The following FLT4 variants were observed in gnomAD, a reference collection of about 807,000 sequenced individuals.
FLT4 encodes vascular endothelial growth factor receptor 3.
FLT4 carries 30 observed loss-of-function variants against 163.2 expected under a neutral mutation model. The observed-to-expected ratio is 0.18, with a 90% CI of 0.14 to 0.25. The LOEUF is 0.25. Ranked by LOEUF, FLT4 falls within the 10% of genes least tolerant of loss-of-function variation. The pLI, the probability that FLT4 is intolerant of heterozygous loss-of-function variation, is 1.00. For missense variants in FLT4, 1,510 were observed against 1,863.8 expected (o/e 0.81, Z 3.50); for synonymous variants, 884 against 789.5 (o/e 1.12, Z -2.01).
rs307816 is a variant in FLT4, at chr5:180,647,789, G to A, written c.58+1699C>T. Among the ~76,000 whole-genome samples, 18 of 151,936 alleles carry A rather than the reference G, an allele frequency of 1.2e-4. No individual in the cohort carries two copies. In the East Asian group the frequency reaches 3.3e-3, roughly 28 times the overall value. On this transcript the variant is annotated intron_variant, in intron 1 of 29. Coordinates refer to ENST00000261937, the MANE Select transcript of FLT4 (RefSeq NM_182925.5). ...CCCAGGACACCCCTCTCCATGGGGC[G>A]CCCAACTAATGCCCTCTCTCCTCTT...
Position 180,602,955 on chromosome 5 carries a change from C to CTT in FLT4, c.*236_*237insAA, listed in dbSNP as rs1321728809. 10 of 597,212 alleles carry CTT rather than the reference C, an allele frequency of 1.7e-5. No homozygotes were observed. In the East Asian group the frequency reaches 2.8e-4, roughly 17 times the overall value. 37.0% of individuals were successfully genotyped at this position (597,212 alleles called of 1,614,324 possible). ...ATGCTGAACTAAATGACATCTGAAT[C>CTT]TCAGGGGGAGGGGCCGGGGCAGCTG... is the stretch of plus-strand genomic sequence containing the variant. On this transcript the variant is annotated 3_prime_UTR_variant, in exon 30 of 30. Coordinates refer to ENST00000261937, the MANE Select transcript of FLT4 (RefSeq NM_182925.5).
chr5:180,643,231 A>C lies in FLT4; in HGVS notation c.58+6257T>G, dbSNP rs920986474. ...ACATTCCTGACCCCGCTCATCCCCC[A>C]CAGCCAATCGGTCACCAAGTGCCTC... On this transcript the variant is annotated intron_variant, in intron 1 of 29. Transcript: ENST00000261937. Among the ~76,000 whole-genome samples the C allele has an allele frequency of 7.2e-5, 11 of 152,208 alleles. No homozygotes were observed. The South Asian group carries it at 1.9e-3, about 26-fold the overall frequency.
At chr5:180,624,897 A>AC (rs1029849771) in intron 10 of FLT4, among the ~76,000 whole-genome samples, 9 of 152,108 alleles carry the variant, frequency 5.9e-5, no homozygotes, top group East Asian at 1.9e-4. Flanking sequence ...CCGAGCAGGG[A>AC]CCCCCCGAAG....
Position 180,619,073 on chromosome 5 carries a change from C to T in FLT4, c.2798G>A (p.Gly933Asp). ...GGCGCGCAGGAAGTTGGAGAGGTTG[C>T]CGTACTTGCAGAACTCCACGATCAC... ...LMVIVEFCKY[G>D]NLSNFLRAKR... The change falls in exon 20 of 30, where the codon GGC (glycine) becomes GAC (aspartate). Residue 933 changes from glycine (G) to aspartate (D), a missense_variant. Physicochemically the swap from Gly to Asp is moderately conservative, Grantham distance 94. Transcript: ENST00000261937. The T allele has an allele frequency of 6.4e-7, 1 of 1,560,828 alleles. No homozygotes were observed. The highest frequency in any genetic ancestry group is 8.7e-7 in the Non-Finnish European group (1 of 1,154,504).
intron 28 of FLT4, chr5:180,609,426 T>TG (rs1762007381): frequency 2.4e-6 from 1 of 408,654 alleles, no homozygotes; most frequent in Admixed American, 3.8e-5. Context: ...CCTCCCGGTT[T>TG]GGGGGGCTTT....
At chr5:180,618,989 C>T (rs1762898923) in intron 20 of FLT4, 32 bp downstream of exon 20, 2 of 1,547,418 alleles carry the variant, frequency 1.3e-6, no homozygotes, top group Non-Finnish European at 1.7e-6. Context: ...ATTCCCCCGC[C>T]GCCCGCGGCG....
At chr5:180,624,227 GTT>G (rs397737232) in intron 10 of FLT4, among the ~76,000 whole-genome samples, 166 bp from the exon 11 acceptor site, 5 of 135,070 alleles carry the variant, frequency 3.7e-5, no homozygotes, top group Non-Finnish European at 4.8e-5. Flanking sequence ...GGACTTTGGT[GTT>G]TTTTTTTTTT....
Position 180,620,415 on chromosome 5 carries a change from T to C in FLT4, c.2407-107A>G. The C allele has an allele frequency of 7.0e-7, 1 of 1,429,106 alleles. No homozygotes were observed. The highest frequency in any genetic ancestry group is 1.4e-5 in the African/African-American group (1 of 71,542). 88.5% of individuals were successfully genotyped at this position (1,429,106 alleles called of 1,614,324 possible). On this transcript the variant is annotated intron_variant, in intron 16 of 29. Transcript: ENST00000261937. The surrounding 1 kb of genome is among the most constrained non-coding windows in gnomAD (Gnocchi z 4.4). Reference sequence around the variant, plus strand: ...ACAGATGGCACTTCCTGCGGGGTTCTCAGTCAAGGAGGGGACAGAAAAAAA... The same window carrying C: ...ACAGATGGCACTTCCTGCGGGGTTCCCAGTCAAGGAGGGGACAGAAAAAAA...
At chr5:180,604,840 T>C (rs192956696) in intron 29 of FLT4, among the ~76,000 whole-genome samples, 66 of 152,390 alleles carry the variant, frequency 4.3e-4, no homozygotes, top group African/African-American at 1.5e-3. Flanking sequence ...CCTGTCACTT[T>C]CTGATCCTTT....
chr5:180,607,672 T>C (rs968462714), intron 29 of FLT4, among the ~76,000 whole-genome samples: 29 of 150,856 alleles, frequency 1.9e-4, no homozygotes, highest in Non-Finnish European at 4.3e-4. Flanking sequence ...CATATATATA[T>C]ATAAAATAAA....
At position 180,610,031 on chromosome 5, in the gene FLT4, G is replaced by C. The variant is rs763837459; in HGVS notation, c.3687-6C>G. ...AGGACACCCAGTTGTAATACCTGTGGGGAGAAATCAGAAGGTGCTGAGGAA... is the reference window on the plus strand; with the variant it reads ...AGGACACCCAGTTGTAATACCTGTGCGGAGAAATCAGAAGGTGCTGAGGAA... On this transcript the variant is annotated splice_region_variant and splice_polypyrimidine_tract_variant and intron_variant, in intron 27 of 29. Coordinates refer to ENST00000261937, the MANE Select transcript of FLT4 (RefSeq NM_182925.5). 1.2e-5 allele frequency: 20 copies of C among 1,613,966 alleles called. No individual in the cohort carries two copies. The South Asian group carries it at 2.1e-4, about 17-fold the overall frequency.
In FLT4 at chr5:180,631,562, G is replaced by A. The variant is rs113068718; in HGVS notation, c.155+120C>T. The stretch of plus-strand genomic sequence containing the variant: ...ACAGCCTGGGAGACCACACGGCCCC[G>A]AGGCCACTCTGCCCTGACTCTGCCC... On this transcript the variant is annotated intron_variant, in intron 2 of 29. Coordinates refer to ENST00000261937, the MANE Select transcript of FLT4 (RefSeq NM_182925.5). The A allele has an allele frequency of 1.1e-3, 849 of 805,736 alleles. 8 individuals carry two copies. Among genetic ancestry groups the A allele is most frequent in the African/African-American group, 8.0e-3 (478 of 59,682 alleles). The allele number at this position is 805,736 out of a possible 1,614,324, so 49.9% of individuals were successfully genotyped here.
intron 1 of FLT4, among the ~76,000 whole-genome samples, chr5:180,637,595 T>A (rs187490745): frequency 2.8e-4 from 42 of 152,182 alleles, no homozygotes; most frequent in Non-Finnish European, 5.6e-4. Context: ...TGCAGTGGCG[T>A]GATCTCGGCT....
rs2127809351 is a variant in FLT4 at position 180,619,656 on chromosome 5, A to G, written c.2647+9T>C. The G allele has an allele frequency of 6.2e-7, 1 of 1,608,816 alleles. No individual in the cohort carries two copies. Among genetic ancestry groups the G allele is most frequent in the Non-Finnish European group, 8.5e-7 (1 of 1,176,478 alleles). On this transcript the variant is annotated intron_variant, in intron 18 of 29. Coordinates refer to ENST00000261937, the MANE Select transcript of FLT4 (RefSeq NM_182925.5). ...GCTAGGCTGCCCCTTCCGCCCGCTG[A>G]CCCCACACCTTTCAGCATTTTCACG...
Position 180,644,995 on chromosome 5 carries a change from C to T in FLT4, c.58+4493G>A, listed in dbSNP as rs73812645. ...TCCCAAAGGGCACGTCCAGGGTGGG[C>T]GAAAGGCCATGGTGCTGGGGCTGGT... is the stretch of plus-strand genomic sequence containing the variant. On this transcript the variant is annotated intron_variant, in intron 1 of 29. Transcript: ENST00000261937. Among the ~76,000 whole-genome samples, 529 of 152,280 alleles carry T rather than the reference C, an allele frequency of 3.5e-3. 5 individuals carry two copies. Among genetic ancestry groups the T allele is most frequent in the African/African-American group, 0.012 (503 of 41,568 alleles).
Position 180,620,816 on chromosome 5 carries a change from C to T in FLT4, c.2299+60G>A. The T allele has an allele frequency of 6.2e-7, 1 of 1,608,748 alleles. No homozygotes were observed. The highest frequency in any genetic ancestry group is 8.5e-7 in the Non-Finnish European group (1 of 1,178,050). On this transcript the variant is annotated intron_variant, in intron 15 of 29. Coordinates refer to ENST00000261937, the MANE Select transcript of FLT4 (RefSeq NM_182925.5). The surrounding 1 kb of genome is among the most constrained non-coding windows in gnomAD (Gnocchi z 4.4). Reference sequence around the variant, plus strand: ...GTGGCCACGACTTGCCCAAGGTGGCCACAAGAAAGCGTTAACTGGGGACGG... The same window carrying T: ...GTGGCCACGACTTGCCCAAGGTGGCTACAAGAAAGCGTTAACTGGGGACGG...
At chr5:180,641,979 T>A (rs1030610083) in intron 1 of FLT4, among the ~76,000 whole-genome samples, 1 of 151,522 alleles carries the variant, frequency 6.6e-6, no homozygotes, top group Non-Finnish European at 1.5e-5. Context: ...GAGGCCAAGG[T>A]GGGCGGATCA....
rs115500587 is a variant in FLT4, at chr5:180,609,180, C to G, written c.3808-127G>C. ...TGACCTAACACCTGTCCCTGGGAAG[C>G]TGAGCCAGAAACAAGGCGTCCATTC... On this transcript the variant is annotated intron_variant, in intron 28 of 29. Transcript: ENST00000261937. The G allele has an allele frequency of 1.9e-3, 1,464 of 770,850 alleles. 5 individuals are homozygous for G. The highest frequency in any genetic ancestry group is 2.9e-3 in the Non-Finnish European group (1,281 of 435,822). The allele number at this position is 770,850 out of a possible 1,614,324, so 47.8% of individuals were successfully genotyped here.
At chr5:180,622,064 AG>A (rs1345053689) in intron 12 of FLT4, among the ~76,000 whole-genome samples, 160 bp from the exon 13 acceptor site, 3 of 145,476 alleles carry the variant, frequency 2.1e-5, no homozygotes, top group Non-Finnish European at 4.5e-5. Context: ...CCAGGTCATC[AG>A]GAGTTCCTTG....
Sources: gnomAD v4.1 joint callset for allele counts (sites outside exome capture counted in the v4.1 genomes callset) on GRCh38, gnomAD v4.1.1 for gene constraint, Gnocchi (gnomAD v3.1) non-coding constraint, MANE v1.5 for transcripts, NCBI Gene and HGNC (gene_info 2026-07-23, HGNC 2026-07-21) for gene names.